KCNT2: variants seen among roughly 807,000 people sequenced by gnomAD.
The protein encoded by KCNT2 is potassium sodium-activated channel subfamily T member 2.
In KCNT2, 67 loss-of-function variants were observed where a neutral mutation model predicts 153.8. That is an observed-to-expected ratio of 0.44 (90% CI 0.36 to 0.53). The LOEUF is 0.53. Ranked by LOEUF, KCNT2 falls within the 20% of genes least tolerant of loss-of-function variation. KCNT2 has a pLI of 0.00. For synonymous variants in KCNT2, 500 were observed against 458.8 expected (o/e 1.09, Z -1.15); for missense variants, 975 against 1,354.8 (o/e 0.72, Z 4.40).
rs1047891796 is a variant in KCNT2, at chr1:196,401,054, C to T, written c.1186-2383G>A. On this transcript the variant is annotated intron_variant, in intron 12 of 27. Coordinates refer to ENST00000294725, the MANE Select transcript of KCNT2 (RefSeq NM_198503.5). ...AAAAGGGAGAGGCAACAAAGAGAAA[C>T]CACAAATTCTGTGAATGAGTGTAAA... 2.6e-5 allele frequency among the ~76,000 whole-genome samples: 4 copies of T among 151,738 alleles called. No homozygotes were observed. The South Asian group carries it at 8.3e-4, about 31-fold the overall frequency.
chr1:196,311,607 C>T (rs751651498), intron 21 of KCNT2, among the ~76,000 whole-genome samples: 3 of 151,776 alleles, frequency 2.0e-5, no homozygotes, highest in Non-Finnish European at 4.4e-5. Context: ...GGACTTTTAC[C>T]ATACAAATTC....
intron 8 of KCNT2, among the ~76,000 whole-genome samples, chr1:196,453,704 T>C (rs770338860): frequency 1.3e-5 from 2 of 152,002 alleles, no homozygotes; most frequent in African/African-American, 2.4e-5. Context: ...CCACAAATGT[T>C]ACTCCTTAGA....
At chr1:196,501,776 G>C (rs1680719163) in intron 1 of KCNT2, among the ~76,000 whole-genome samples, 1 of 152,028 alleles carries the variant, frequency 6.6e-6, no homozygotes, top group Admixed American at 6.6e-5. Flanking sequence ...AAAAAAGAAG[G>C]CTTGTAAAAA....
At position 196,236,073 on chromosome 1, in the gene KCNT2, A is replaced by G. The variant is rs1162425509; in HGVS notation, c.3212-3T>C. 3 of 1,548,970 alleles carry G rather than the reference A, an allele frequency of 1.9e-6. No homozygotes were observed. Among genetic ancestry groups the G allele is most frequent in the Non-Finnish European group, 2.7e-6 (3 of 1,122,112 alleles). The stretch of plus-strand genomic sequence containing the variant: ...ACTTTGATGATCATTCATTTCATCT[A>G]GAAGATAAATAAATGCCAAGTTTGT... On this transcript the variant is annotated splice_region_variant and splice_polypyrimidine_tract_variant and intron_variant, in intron 26 of 27. Coordinates refer to ENST00000294725, the MANE Select transcript of KCNT2 (RefSeq NM_198503.5).
At chr1:196,370,329 G>T (rs1271273229) in intron 14 of KCNT2, among the ~76,000 whole-genome samples, 1 of 151,960 alleles carries the variant, frequency 6.6e-6, no homozygotes, top group African/African-American at 2.4e-5. Flanking sequence ...TTAAAATACA[G>T]AATAAACTCT....
At chr1:196,369,102 T>C (rs1668283804) in intron 14 of KCNT2, among the ~76,000 whole-genome samples, 1 of 152,160 alleles carries the variant, frequency 6.6e-6, no homozygotes, top group Non-Finnish European at 1.5e-5. Flanking sequence ...TGAAAAAGAT[T>C]ACCTCATGGA....
chr1:196,359,222 T>G (rs1214851195), intron 14 of KCNT2, among the ~76,000 whole-genome samples: 1 of 151,972 alleles, frequency 6.6e-6, no homozygotes, highest in Non-Finnish European at 1.5e-5. Context: ...CCCTCAAAGT[T>G]TCATCGGGGA....
At chr1:196,510,818 A>G (rs1294369358) in intron 1 of KCNT2, among the ~76,000 whole-genome samples, 1 of 152,162 alleles carries the variant, frequency 6.6e-6, no homozygotes, top group Non-Finnish European at 1.5e-5. Flanking sequence ...CCTACAACAC[A>G]AAGTTTGTAT....
At chr1:196,288,336 A>G (rs1659869936) in intron 22 of KCNT2, among the ~76,000 whole-genome samples, 1 of 151,944 alleles carries the variant, frequency 6.6e-6, no homozygotes, top group East Asian at 1.9e-4. Flanking sequence ...AAAAATAATG[A>G]TATAAGTTGA....
chr1:196,442,640 A>C (rs1455490261), intron 8 of KCNT2, among the ~76,000 whole-genome samples: 1 of 151,644 alleles, frequency 6.6e-6, no homozygotes, highest in Non-Finnish European at 1.5e-5. Flanking sequence ...TCGGTAGAGA[A>C]GGTTAAGCAT....
In KCNT2 at chr1:196,556,906, T is replaced by C. The variant is rs180912732; in HGVS notation, c.95+51309A>G. Among the ~76,000 whole-genome samples, 5 of 151,370 alleles carry C rather than the reference T, an allele frequency of 3.3e-5. No homozygotes were observed. In the East Asian group the frequency reaches 7.8e-4, roughly 24 times the overall value. On this transcript the variant is annotated intron_variant, in intron 1 of 27. Transcript: ENST00000294725. ...GAAAGACAAACATTGCATGCTCTTA[T>C]TTATTTGTGGGACCTGACAATCAAA...
chr1:196,278,926 G>A (rs1351039982), intron 25 of KCNT2, among the ~76,000 whole-genome samples: 2 of 152,202 alleles, frequency 1.3e-5, no homozygotes, highest in African/African-American at 4.8e-5. Flanking sequence ...GATCATGAAA[G>A]AGCCTTATAA....
intron 4 of KCNT2, 100 bp from the exon 5 acceptor site, chr1:196,479,338 T>C: frequency 2.9e-6 from 2 of 680,554 alleles, no homozygotes; most frequent in Non-Finnish European, 5.2e-6. Flanking sequence ...TGTGCATGTA[T>C]ACATATATGG....
At chr1:196,258,834 T>A (rs1202883360) in intron 25 of KCNT2, among the ~76,000 whole-genome samples, 1 of 152,104 alleles carries the variant, frequency 6.6e-6, no homozygotes, top group Non-Finnish European at 1.5e-5. Flanking sequence ...AAACCAGACA[T>A]TTTACAACTT....
At chr1:196,525,533 C>A (rs1266847614) in intron 1 of KCNT2, among the ~76,000 whole-genome samples, 1 of 152,128 alleles carries the variant, frequency 6.6e-6, no homozygotes, top group Non-Finnish European at 1.5e-5. Context: ...TCTGTGAGTT[C>A]AATGTTCATC....
intron 12 of KCNT2, among the ~76,000 whole-genome samples, chr1:196,402,650 T>C (rs937711963): frequency 2.0e-5 from 3 of 151,572 alleles, no homozygotes; most frequent in Admixed American, 6.6e-5. Flanking sequence ...ACAATTTAGA[T>C]AGAGCTATAT....
intron 1 of KCNT2, among the ~76,000 whole-genome samples, chr1:196,572,103 C>G (rs1187014808): frequency 6.6e-6 from 1 of 152,104 alleles, no homozygotes; most frequent in Non-Finnish European, 1.5e-5. Context: ...TTCACCATTT[C>G]ATCTCTTCCA....
intron 8 of KCNT2, among the ~76,000 whole-genome samples, chr1:196,456,989 C>A (rs1331400259): frequency 6.6e-6 from 1 of 151,808 alleles, no homozygotes; most frequent in Admixed American, 6.6e-5. Flanking sequence ...TTTGTATTTT[C>A]CAGTCAAAAC....
chr1:196,547,766 T>C (rs938379979), intron 1 of KCNT2, among the ~76,000 whole-genome samples: 4 of 151,896 alleles, frequency 2.6e-5, no homozygotes, highest in Non-Finnish European at 4.4e-5. Flanking sequence ...CTGTATTTTT[T>C]ATTTTTTAAA....
Sources: gnomAD v4.1 joint callset for allele counts (sites outside exome capture counted in the v4.1 genomes callset) on GRCh38, gnomAD v4.1.1 for gene constraint, MANE v1.5 for transcripts, NCBI Gene and HGNC (gene_info 2026-07-23, HGNC 2026-07-21) for gene names.